CSPP1: variants seen among roughly 807,000 people sequenced by gnomAD.
CSPP1 encodes the protein centrosome and spindle pole associated protein 1, also known as centrosome and spindle pole-associated protein 1.
In CSPP1, 126 loss-of-function variants were observed where a neutral mutation model predicts 164.4. The observed-to-expected ratio is 0.77, with a 90% CI of 0.66 to 0.89. The LOEUF (loss-of-function observed/expected upper bound fraction) is 0.89, where lower values mean the gene tolerates loss of function less well. CSPP1 is among the 40% of genes least tolerant of loss of function. The pLI, the probability that CSPP1 is intolerant of heterozygous loss-of-function variation, is 0.00. For synonymous variants in CSPP1, 472 were observed against 476.7 expected, an observed-to-expected ratio of 0.99 and a Z score of 0.13; for missense variants, 1,395 against 1,449.8, an observed-to-expected ratio of 0.96 and a Z score of 0.61.
intron 17 of CSPP1, among the ~76,000 whole-genome samples, chr8:67,148,007 C>CAG: frequency 6.6e-6 from 1 of 151,216 alleles, no homozygotes; most frequent in Non-Finnish European, 1.5e-5. Flanking sequence ...CAACCTGCAC[C>CAG]CCCCCGGCTT....
rs780101400 is a variant in CSPP1, at chr8:67,064,451, C to T, written c.-98C>T. 1 of 1,614,020 alleles carries T rather than the reference C, an allele frequency of 6.2e-7. No homozygotes were observed. The highest frequency in any genetic ancestry group is 2.2e-5 in the East Asian group (1 of 44,864). On this transcript the variant is annotated 5_prime_UTR_variant, in exon 1 of 31. Coordinates refer to ENST00000678616, the MANE Select transcript of CSPP1 (RefSeq NM_001382391.1). ...GTAACCTCTTCGGTCCGCGACGATCCTCTAGAGCACTGTGTGTCTCCCCGG... is the reference window on the plus strand; with the variant it reads ...GTAACCTCTTCGGTCCGCGACGATCTTCTAGAGCACTGTGTGTCTCCCCGG...
intron 21 of CSPP1, 27 bp from the exon 22 acceptor site, chr8:67,161,784 T>C (rs1207167836): frequency 7.4e-7 from 1 of 1,348,012 alleles, no homozygotes; most frequent in East Asian, 2.3e-5. Context: ...GAAGCAAATA[T>C]GCTCTTAAAT....
At chr8:67,163,347 T>A (rs1211185185) in intron 22 of CSPP1, among the ~76,000 whole-genome samples, 1 of 152,162 alleles carries the variant, frequency 6.6e-6, no homozygotes, top group African/African-American at 2.4e-5. Context: ...GGTAAAATTT[T>A]TTTTTAAGAA....
intron 7 of CSPP1, among the ~76,000 whole-genome samples, chr8:67,096,578 A>T (rs1028354200): frequency 6.6e-6 from 1 of 150,568 alleles, no homozygotes; most frequent in Non-Finnish European, 1.5e-5. Context: ...AAAAAAAAAA[A>T]GTGTGGCTGG....
intron 1 of CSPP1, among the ~76,000 whole-genome samples, chr8:67,070,315 T>G (rs190290902): frequency 0.011 from 1,657 of 151,738 alleles, 30 homozygotes; most frequent in African/African-American, 0.038. Context: ...ACAAAAAAAT[T>G]AGCTGGGCAT....
chr8:67,169,292 C>T (rs1371076866), intron 24 of CSPP1, among the ~76,000 whole-genome samples: 7 of 152,138 alleles, frequency 4.6e-5, no homozygotes, highest in South Asian at 2.1e-4. Context: ...GCAGAAAACA[C>T]CCTTACTACC....
At chr8:67,126,670 C>T (rs561796802) in intron 15 of CSPP1, among the ~76,000 whole-genome samples, 54 of 152,264 alleles carry the variant, frequency 3.5e-4, no homozygotes, top group Middle Eastern at 6.8e-3. Flanking sequence ...AGAGCTTCCT[C>T]GGGCATCCAT....
In CSPP1 at chr8:67,095,669, A is replaced by G; in HGVS notation, c.860A>G (p.Asp287Gly). 6.2e-7 allele frequency: 1 copy of G among 1,612,868 alleles called. No homozygotes were observed. Among genetic ancestry groups the G allele is most frequent in the Non-Finnish European group, 8.5e-7 (1 of 1,179,408 alleles). Residue 287 changes from aspartate to glycine, a missense_variant, in exon 7 of 31, where the codon GAT becomes GGT. Coordinates refer to ENST00000678616, the MANE Select transcript of CSPP1 (RefSeq NM_001382391.1). ...DQDPEVSEEM[D>G]ERFRYESDFD... The stretch of plus-strand genomic sequence containing the variant: ...GATCCTGAAGTAAGTGAAGAAATGG[A>G]TGAGAGGTTTAGATATGAAAGTGAT...
Position 67,066,780 on chromosome 8 carries a change from TTTTGTTTG to T in CSPP1, c.-11+2258_-11+2265del, listed in dbSNP as rs369416645. ...ATATATACACACATATATATTTGTT[TTTTGTTTG>T]TTTGTTTGTTTGTTTTTTGAGACAG... On this transcript the variant is annotated intron_variant, in intron 1 of 30. Coordinates refer to ENST00000678616, the MANE Select transcript of CSPP1 (RefSeq NM_001382391.1). 2.7e-4 allele frequency among the ~76,000 whole-genome samples: 41 copies of T among 152,096 alleles called. 1 individual carries two copies. The East Asian group carries it at 4.2e-3, about 16-fold the overall frequency.
At position 67,137,474 on chromosome 8, in the gene CSPP1, A is replaced by G; in HGVS notation, c.1846A>G (p.Arg616Gly). 1.3e-6 allele frequency: 2 copies of G among 1,533,998 alleles called. No individual in the cohort carries two copies. Among genetic ancestry groups the G allele is most frequent in the South Asian group, 1.2e-5 (1 of 82,162 alleles). ...TGTCAAGATTCGGGAAAGAGAAGAA[A>G]GAAGGAAGAAAGAACGTGAAGAAAA... ...LQQQIREREE[R>G]RKKEREEKEE... Residue 616 changes from arginine to glycine, a missense_variant, in exon 17 of 31, where the codon AGA becomes GGA. Arg to Gly is a moderately radical substitution (Grantham distance 125). Transcript: ENST00000678616.
At chr8:67,091,549 CGT>C (rs1382414364) in intron 4 of CSPP1, among the ~76,000 whole-genome samples, 4 of 151,994 alleles carry the variant, frequency 2.6e-5, no homozygotes, top group Non-Finnish European at 5.9e-5. Context: ...AATCAATAGA[CGT>C]ATATATTGCA....
At chr8:67,070,539 C>T (rs1228941846) in intron 1 of CSPP1, among the ~76,000 whole-genome samples, 1 of 150,500 alleles carries the variant, frequency 6.6e-6, no homozygotes, top group East Asian at 2.0e-4. Flanking sequence ...TGGTGGCCAA[C>T]ATGGAGGATC....
intron 17 of CSPP1, among the ~76,000 whole-genome samples, chr8:67,141,116 G>A (rs1193186826): frequency 6.6e-6 from 1 of 152,034 alleles, no homozygotes; most frequent in Non-Finnish European, 1.5e-5. Context: ...GAAAACATTG[G>A]GATAGAGCAG....
chr8:67,136,684 T>C (rs757938731), intron 16 of CSPP1, among the ~76,000 whole-genome samples: 4 of 151,950 alleles, frequency 2.6e-5, no homozygotes, highest in Non-Finnish European at 5.9e-5. Context: ...CAGAGAGAGT[T>C]GATCCTCCGA....
chr8:67,118,804 A>G lies in CSPP1; in HGVS notation c.1680A>G (p.Gln560=). The change falls in exon 15 of 31, where the codon CAA becomes CAG. Residue 560 remains glutamine (Q), a synonymous_variant. Coordinates refer to ENST00000678616, the MANE Select transcript of CSPP1 (RefSeq NM_001382391.1). ...ATGTTAGTGCTCCTGTCACCCACCA[A>G]CTAGCACAACCTGTTGTGTAAGTTA... ...AAYVSAPVTH[Q]LAQPVVNTVG... is the part of the protein sequence containing the mutation. The G allele has an allele frequency of 6.2e-7, 1 of 1,609,526 alleles. No homozygotes were observed. Among genetic ancestry groups the G allele is most frequent in the Non-Finnish European group, 8.5e-7 (1 of 1,175,954 alleles).
At chr8:67,130,485 T>TACA (rs1821004824) in intron 15 of CSPP1, among the ~76,000 whole-genome samples, 2 of 152,216 alleles carry the variant, frequency 1.3e-5, no homozygotes, top group African/African-American at 4.8e-5. Context: ...AGAGCCCCCT[T>TACA]GCTCTGAAAA....
intron 1 of CSPP1, chr8:67,069,247 C>T (rs1479192435): frequency 3.3e-5 from 5 of 152,034 alleles, no homozygotes; most frequent in Admixed American, 1.3e-4. Flanking sequence ...GTCTTTGACT[C>T]TTTAATATTA....
At chr8:67,088,740 C>CA (rs1371279053) in intron 4 of CSPP1, among the ~76,000 whole-genome samples, 3 of 150,954 alleles carry the variant, frequency 2.0e-5, no homozygotes, top group Admixed American at 1.3e-4. Context: ...ACTAAAAATA[C>CA]AAAAAAATTA....
intron 12 of CSPP1, among the ~76,000 whole-genome samples, chr8:67,115,477 C>T (rs888709929): frequency 6.6e-5 from 10 of 152,182 alleles, no homozygotes; most frequent in African/African-American, 2.2e-4. Context: ...GCCAGGAGTT[C>T]AAGACCAGCC....
Sources: allele counts gnomAD v4.1 joint callset (sites outside exome capture counted in the v4.1 genomes callset), GRCh38; gene constraint gnomAD v4.1.1; transcripts MANE v1.5; gene names NCBI Gene and HGNC (gene_info 2026-07-23, HGNC 2026-07-21).